The following SCD5 variants were observed in gnomAD, a reference collection of about 807,000 sequenced individuals.
SCD5 encodes stearoyl-CoA desaturase 5.
SCD5 carries 20 observed loss-of-function variants against 30.4 expected under a neutral mutation model. That is an observed-to-expected ratio of 0.66 (90% CI 0.46 to 0.96). SCD5 has a LOEUF of 0.96. Among genes scored for constraint, SCD5 ranks in the 40% least tolerant of loss-of-function variants. The probability of loss-of-function intolerance (pLI) is 0.00; values close to 1 mark genes in which losing one functional copy is unlikely to be tolerated. For synonymous variants in SCD5, 173 were observed against 176.4 expected, an observed-to-expected ratio of 0.98 and a Z score of 0.16; for missense variants, 381 against 443.3, an observed-to-expected ratio of 0.86 and a Z score of 1.26.
chr4:82,642,279 C>T (rs1053364096), intron 3 of SCD5, among the ~76,000 whole-genome samples: 6 of 152,134 alleles, frequency 3.9e-5, no homozygotes, highest in Non-Finnish European at 7.4e-5. Flanking sequence ...ATGTCTGATG[C>T]CTCTAGTATA....
chr4:82,755,190 G>A (rs192581047), intron 1 of SCD5, among the ~76,000 whole-genome samples: 24 of 152,146 alleles, frequency 1.6e-4, no homozygotes, highest in East Asian at 1.5e-3. Context: ...GGAGAATGTC[G>A]AAAAAATTAG....
intron 1 of SCD5, among the ~76,000 whole-genome samples, chr4:82,758,289 C>A (rs940155530): frequency 6.6e-6 from 1 of 152,090 alleles, no homozygotes; most frequent in Non-Finnish European, 1.5e-5. Context: ...ATATCAAGAT[C>A]CCTGTCTCTC....
At position 82,760,842 on chromosome 4, in the gene SCD5, C is replaced by G. The variant is rs540283882; in HGVS notation, c.232+37464G>C. ...CCACAATTCATCCCCCTATCTAGAC[C>G]GTCAGCTTCCCAAGGAAGGGCCTGT... On this transcript the variant is annotated intron_variant, in intron 1 of 4. Coordinates refer to ENST00000319540, the MANE Select transcript of SCD5 (RefSeq NM_001037582.3). Among the ~76,000 whole-genome samples, 222 of 152,302 alleles carry G rather than the reference C, an allele frequency of 1.5e-3. 1 individual carries two copies. Among genetic ancestry groups the G allele is most frequent in the Non-Finnish European group, 2.7e-3 (182 of 68,032 alleles).
intron 2 of SCD5, among the ~76,000 whole-genome samples, chr4:82,699,879 C>T (rs984293926): frequency 1.3e-5 from 2 of 151,660 alleles, no homozygotes; most frequent in African/African-American, 4.8e-5. Flanking sequence ...CCAGGATGGT[C>T]TCGATCTCTT....
At chr4:82,779,953 G>C (rs1220669611) in intron 1 of SCD5, among the ~76,000 whole-genome samples, 1 of 152,232 alleles carries the variant, frequency 6.6e-6, no homozygotes, top group African/African-American at 2.4e-5. Context: ...CTCTAAATTA[G>C]TTATAAAATA....
chr4:82,767,596 G>A (rs1177642890), intron 1 of SCD5, among the ~76,000 whole-genome samples: 1 of 152,072 alleles, frequency 6.6e-6, no homozygotes, highest in African/African-American at 2.4e-5. Flanking sequence ...ACAAACCCAG[G>A]CCCTGTTACT....
intron 1 of SCD5, among the ~76,000 whole-genome samples, chr4:82,778,069 G>C (rs751987918): frequency 6.6e-6 from 1 of 152,120 alleles, no homozygotes; most frequent in Admixed American, 6.5e-5. Flanking sequence ...CCTTTACAGG[G>C]ACATGGATGA....
intron 1 of SCD5, among the ~76,000 whole-genome samples, chr4:82,745,764 T>A (rs932784757): frequency 1.2e-4 from 18 of 152,222 alleles, no homozygotes; most frequent in African/African-American, 4.3e-4. Context: ...ATTAAAAGTA[T>A]GGAGTATGGA....
At chr4:82,743,986 T>C (rs1156774329) in intron 1 of SCD5, among the ~76,000 whole-genome samples, 1 of 152,074 alleles carries the variant, frequency 6.6e-6, no homozygotes, top group Admixed American at 6.5e-5. Flanking sequence ...CCACCACACC[T>C]GGATAATTTT....
chr4:82,749,638 C>T (rs1413234856), intron 1 of SCD5, among the ~76,000 whole-genome samples: 1 of 152,174 alleles, frequency 6.6e-6, no homozygotes, highest in Non-Finnish European at 1.5e-5. Flanking sequence ...AAACACACAT[C>T]CCACTTGGTG....
intron 3 of SCD5, among the ~76,000 whole-genome samples, chr4:82,668,481 T>C (rs905544399): frequency 8.5e-5 from 13 of 152,222 alleles, no homozygotes; most frequent in African/African-American, 3.1e-4. Flanking sequence ...TTTTCACTGT[T>C]CAATCTACAG....
chr4:82,653,772 G>A (rs527943940), intron 3 of SCD5, among the ~76,000 whole-genome samples: 68 of 151,186 alleles, frequency 4.5e-4, no homozygotes, highest in Non-Finnish European at 8.0e-4. Context: ...AACCATATAT[G>A]TATATAGTTT....
intron 2 of SCD5, among the ~76,000 whole-genome samples, chr4:82,699,771 C>T (rs1399750209): frequency 6.6e-6 from 1 of 151,950 alleles, no homozygotes; most frequent in Non-Finnish European, 1.5e-5. Context: ...AAGCGATTCT[C>T]CTGCCTCAGC....
chr4:82,730,572 A>AT lies in SCD5; in HGVS notation c.233-25160dup, dbSNP rs1263502099. Among the ~76,000 whole-genome samples, 8 of 126,676 alleles carry AT rather than the reference A, an allele frequency of 6.3e-5. 1 individual carries two copies. Among genetic ancestry groups the AT allele is most frequent in the South Asian group, 2.5e-4 (1 of 4,078 alleles). The allele number at this position is 126,676 out of a possible 152,430, so 83.1% of individuals were successfully genotyped here. A position where few individuals can be genotyped will look rare whatever the true frequency, so the allele number is the denominator to read the frequency against. ...TGGCCTCCCAAAGGAAAATATATGT[A>AT]TTTTTTTCCCTTCTTTTTTTTTTTT... On this transcript the variant is annotated intron_variant, in intron 1 of 4. Transcript: ENST00000319540.
At chr4:82,646,913 C>T (rs1727644389) in intron 3 of SCD5, among the ~76,000 whole-genome samples, 1 of 151,984 alleles carries the variant, frequency 6.6e-6, no homozygotes, top group Non-Finnish European at 1.5e-5. Flanking sequence ...ACCTCCGCTT[C>T]CTGGGTTCAA....
intron 2 of SCD5, chr4:82,692,193 G>GGCCATGCTGACCGAC (rs1719540195): frequency 6.4e-6 from 1 of 157,460 alleles, no homozygotes; most frequent in East Asian, 1.9e-4. Flanking sequence ...TGGGCTTCCT[G>GGCCATGCTGACCGAC]GCCATGCTGA....
At chr4:82,636,128 T>C (rs549862287) in intron 4 of SCD5, among the ~76,000 whole-genome samples, 119 of 152,138 alleles carry the variant, frequency 7.8e-4, no homozygotes, top group Non-Finnish European at 1.5e-3. Context: ...ATTTCACAGA[T>C]AGGAAAACTG....
At chr4:82,743,927 G>C (rs1407124189) in intron 1 of SCD5, among the ~76,000 whole-genome samples, 1 of 152,000 alleles carries the variant, frequency 6.6e-6, no homozygotes, top group Non-Finnish European at 1.5e-5. Context: ...CCAGGTTCAA[G>C]CCATCTTTCC....
intron 1 of SCD5, among the ~76,000 whole-genome samples, chr4:82,790,409 C>G (rs1722077023): frequency 6.6e-6 from 1 of 152,096 alleles, no homozygotes; most frequent in Admixed American, 6.5e-5. Context: ...ACTCTACTCA[C>G]CAGCCACGCT....
Sources: gnomAD v4.1 joint callset for allele counts (sites outside exome capture counted in the v4.1 genomes callset) on GRCh38, gnomAD v4.1.1 for gene constraint, MANE v1.5 for transcripts, NCBI Gene and HGNC (gene_info 2026-07-23, HGNC 2026-07-21) for gene names.